The following NKAIN2 variants were observed in gnomAD, a reference collection of about 807,000 sequenced individuals.
NKAIN2 encodes sodium/potassium transporting ATPase interacting 2, also known as sodium/potassium-transporting ATPase subunit beta-1-interacting protein 2.
Under a neutral mutation model 32.6 loss-of-function variants are expected in NKAIN2, and 14 were observed. The ratio of observed to expected loss-of-function variants is 0.43; its 90% CI spans 0.28 to 0.67. The LOEUF (loss-of-function observed/expected upper bound fraction) is 0.67. NKAIN2 is among the 30% of genes least tolerant of loss of function. The pLI is 0.17. For missense variants in NKAIN2, 198 were observed against 258.3 expected, an observed-to-expected ratio of 0.77 and a Z score of 1.60; for synonymous variants, 80 against 87.2, an observed-to-expected ratio of 0.92 and a Z score of 0.46.
intron 1 of NKAIN2, among the ~76,000 whole-genome samples, chr6:124,015,061 A>T (rs1220276767): frequency 6.6e-6 from 1 of 152,180 alleles, no homozygotes; most frequent in Non-Finnish European, 1.5e-5. Flanking sequence ...CATATTACCA[A>T]ATTGTCTTCA....
At chr6:123,932,406 C>CTTTTTTTTTTTTTTTTTTTTTTTTT (rs57063550) in intron 1 of NKAIN2, among the ~76,000 whole-genome samples, 1 of 104,390 alleles carries the variant, frequency 9.6e-6, no homozygotes, top group African/African-American at 4.2e-5. Context: ...TTCTGTCTTT[C>CTTTTTTTTTTTTTTTTTTTTTTTTT]TTTTTTTTTT....
At chr6:123,904,017 C>T (rs1305491473) in intron 1 of NKAIN2, among the ~76,000 whole-genome samples, 5 of 151,406 alleles carry the variant, frequency 3.3e-5, no homozygotes, top group South Asian at 2.1e-4. Context: ...CACCTGAGGT[C>T]GGGAGTTTGA....
intron 3 of NKAIN2, among the ~76,000 whole-genome samples, chr6:124,536,303 T>A (rs550309587): frequency 6.6e-6 from 1 of 152,258 alleles, no homozygotes; most frequent in East Asian, 1.9e-4. Context: ...GTTTACCCCT[T>A]CAGCAGGCCA....
chr6:123,957,030 G>C (rs549828718), intron 1 of NKAIN2, among the ~76,000 whole-genome samples: 1 of 152,076 alleles, frequency 6.6e-6, no homozygotes, highest in Non-Finnish European at 1.5e-5. Context: ...CAGACGTTAA[G>C]CCTAGTACCC....
chr6:124,616,772 G>C (rs1271277890), intron 3 of NKAIN2, among the ~76,000 whole-genome samples: 1 of 151,358 alleles, frequency 6.6e-6, no homozygotes, highest in Non-Finnish European at 1.5e-5. Context: ...CATCTTTCTG[G>C]GTAAAACTTT....
rs536528187 is a variant in NKAIN2 at position 123,841,103 on chromosome 6, C to T, written c.54+36849C>T. ...CTATAGCACAACTGTTATTCTATAC[C>T]TGCACTAAGCAAATTGCCTAGTCTA... is the stretch of plus-strand genomic sequence containing the variant. On this transcript the variant is annotated intron_variant, in intron 1 of 6. Coordinates refer to ENST00000368417, the MANE Select transcript of NKAIN2 (RefSeq NM_001040214.3). Among the ~76,000 whole-genome samples the T allele has an allele frequency of 3.3e-5, 5 of 152,192 alleles. No individual in the cohort carries two copies. In the South Asian group the frequency reaches 1.0e-3, roughly 32 times the overall value.
At chr6:124,517,772 A>C (rs1328491147) in intron 3 of NKAIN2, among the ~76,000 whole-genome samples, 1 of 152,174 alleles carries the variant, frequency 6.6e-6, no homozygotes, top group Non-Finnish European at 1.5e-5. Flanking sequence ...TTAAAGCAAA[A>C]TGTTGATTGA....
rs537055769 is a variant in NKAIN2, at chr6:124,456,010, G to A, written c.273+100663G>A. ...GCAGCATGACAGGGGACAGGGATAG[G>A]ATGGTGTAACAGTCTGTGATTATTG... On this transcript the variant is annotated intron_variant, in intron 3 of 6. Coordinates refer to ENST00000368417, the MANE Select transcript of NKAIN2 (RefSeq NM_001040214.3). Among the ~76,000 whole-genome samples the A allele has an allele frequency of 1.6e-4, 24 of 151,880 alleles. No individual in the cohort carries two copies. In the South Asian group the frequency reaches 4.8e-3, roughly 30 times the overall value.
rs575061943 is a variant in NKAIN2 at position 124,255,319 on chromosome 6, C to T, written c.55-27686C>T. ...GGAAATGGTGAAATGTTGATGTGCTCATATACCAGAATTTGTGAATCTTTC... is the reference window on the plus strand; with the variant it reads ...GGAAATGGTGAAATGTTGATGTGCTTATATACCAGAATTTGTGAATCTTTC... On this transcript the variant is annotated intron_variant, in intron 1 of 6. Transcript: ENST00000368417. 2.8e-4 allele frequency among the ~76,000 whole-genome samples: 43 copies of T among 152,242 alleles called. No homozygotes were observed. The East Asian group carries it at 5.0e-3, about 18-fold the overall frequency.
At chr6:124,607,018 A>G (rs1325244015) in intron 3 of NKAIN2, among the ~76,000 whole-genome samples, 2 of 152,138 alleles carry the variant, frequency 1.3e-5, no homozygotes, top group African/African-American at 2.4e-5. Context: ...AAGAGAATTG[A>G]AAATATGGAG....
At chr6:123,984,351 C>G (rs572113305) in intron 1 of NKAIN2, among the ~76,000 whole-genome samples, 5 of 151,742 alleles carry the variant, frequency 3.3e-5, no homozygotes, top group South Asian at 4.2e-4. Flanking sequence ...TATGGATATC[C>G]AAGGCTTTGA....
chr6:124,168,633 G>A (rs1788692943), intron 1 of NKAIN2, among the ~76,000 whole-genome samples: 1 of 151,900 alleles, frequency 6.6e-6, no homozygotes, highest in African/African-American at 2.4e-5. Flanking sequence ...ATGAATTTTA[G>A]AACCATTGCC....
chr6:123,850,996 A>AT (rs1339498376), intron 1 of NKAIN2, among the ~76,000 whole-genome samples: 4 of 151,902 alleles, frequency 2.6e-5, no homozygotes, highest in African/African-American at 9.7e-5. Context: ...CTCCAGTTAC[A>AT]TATTTTTTTC....
At chr6:124,067,160 G>C (rs1783231349) in intron 1 of NKAIN2, among the ~76,000 whole-genome samples, 1 of 152,066 alleles carries the variant, frequency 6.6e-6, no homozygotes, top group African/African-American at 2.4e-5. Context: ...TCTGGAGTCT[G>C]AAGCAGGCTA....
At chr6:124,319,718 A>C (rs1797096234) in intron 2 of NKAIN2, among the ~76,000 whole-genome samples, 1 of 152,034 alleles carries the variant, frequency 6.6e-6, no homozygotes, top group Non-Finnish European at 1.5e-5. Context: ...CTGCCCTTTA[A>C]TTTCATTGAA....
intron 2 of NKAIN2, among the ~76,000 whole-genome samples, chr6:124,312,434 T>C (rs1217613686): frequency 1.3e-5 from 2 of 152,180 alleles, no homozygotes; most frequent in African/African-American, 2.4e-5. Flanking sequence ...CTGCTTTCAG[T>C]TGGGTTCTCA....
chr6:124,179,512 T>A (rs73770353), intron 1 of NKAIN2, among the ~76,000 whole-genome samples: 2,427 of 152,278 alleles, frequency 0.016, 55 homozygotes, highest in African/African-American at 0.056. Context: ...ATTACTTTGG[T>A]AATTAAAGTT....
At chr6:124,086,691 T>G (rs1562350051) in intron 1 of NKAIN2, among the ~76,000 whole-genome samples, 2 of 151,846 alleles carry the variant, frequency 1.3e-5, no homozygotes, top group South Asian at 4.1e-4. Flanking sequence ...ATTTGATAAT[T>G]ATGATGAAAT....
intron 1 of NKAIN2, among the ~76,000 whole-genome samples, chr6:124,057,770 G>A (rs1018850995): frequency 6.6e-6 from 1 of 151,820 alleles, no homozygotes; most frequent in Non-Finnish European, 1.5e-5. Context: ...AACAACCAGT[G>A]TTCCAGGACT....
Sources: gnomAD v4.1 joint callset for allele counts (sites outside exome capture counted in the v4.1 genomes callset) on GRCh38, gnomAD v4.1.1 for gene constraint, MANE v1.5 for transcripts, NCBI Gene and HGNC (gene_info 2026-07-23, HGNC 2026-07-21) for gene names.